DGKI: variants seen among roughly 807,000 people sequenced by gnomAD.
DGKI encodes the protein diacylglycerol kinase iota.
In DGKI, 55 loss-of-function variants were observed where a neutral mutation model predicts 147.5. The observed-to-expected ratio is 0.37, with a 90% CI of 0.30 to 0.47. DGKI has a LOEUF of 0.47. Among genes scored for constraint, DGKI ranks in the 20% least tolerant of loss-of-function variants. The pLI, the probability that DGKI is intolerant of heterozygous loss-of-function variation, is 1.00. For missense variants in DGKI, 1,007 were observed against 1,323.8 expected, an observed-to-expected ratio of 0.76 and a Z score of 3.71; for synonymous variants, 469 against 477.1, an observed-to-expected ratio of 0.98 and a Z score of 0.22.
At chr7:137,731,890 C>T (rs190549753) in intron 1 of DGKI, among the ~76,000 whole-genome samples, 1 of 152,024 alleles carries the variant, frequency 6.6e-6, no homozygotes, top group African/African-American at 2.4e-5. Context: ...TGATCAGGAC[C>T]TCTAGACTAA....
At chr7:137,761,546 T>C (rs1795856676) in intron 1 of DGKI, among the ~76,000 whole-genome samples, 1 of 152,214 alleles carries the variant, frequency 6.6e-6, no homozygotes, top group South Asian at 2.1e-4. Flanking sequence ...TCAGCAGCAC[T>C]CAGCGATCTC....
At chr7:137,696,786 C>T (rs921482040) in intron 1 of DGKI, among the ~76,000 whole-genome samples, 1 of 152,036 alleles carries the variant, frequency 6.6e-6, no homozygotes, top group Non-Finnish European at 1.5e-5. Context: ...GTTGAAGTCC[C>T]AATTCCTAGT....
chr7:137,668,923 T>C (rs923907047), intron 3 of DGKI, among the ~76,000 whole-genome samples: 1 of 152,202 alleles, frequency 6.6e-6, no homozygotes, highest in Non-Finnish European at 1.5e-5. Flanking sequence ...GGAGGAATGA[T>C]TATAGTGGTC....
At chr7:137,671,562 T>C (rs1213729925) in intron 3 of DGKI, among the ~76,000 whole-genome samples, 2 of 152,244 alleles carry the variant, frequency 1.3e-5, no homozygotes, top group African/African-American at 2.4e-5. Flanking sequence ...ATTTGTTAAC[T>C]GATTTTATCC....
At chr7:137,630,270 C>A (rs1229110450) in intron 6 of DGKI, among the ~76,000 whole-genome samples, 1 of 152,052 alleles carries the variant, frequency 6.6e-6, no homozygotes. Context: ...GATTTATGTC[C>A]ATAGATTGAC....
intron 5 of DGKI, among the ~76,000 whole-genome samples, chr7:137,650,408 A>C (rs979016672): frequency 1.3e-5 from 2 of 152,234 alleles, no homozygotes; most frequent in Non-Finnish European, 2.9e-5. Flanking sequence ...AGACACTTTG[A>C]TAAAGAACAA....
At chr7:137,796,844 G>T (rs1181439115) in intron 1 of DGKI, among the ~76,000 whole-genome samples, 1 of 152,112 alleles carries the variant, frequency 6.6e-6, no homozygotes, top group Non-Finnish European at 1.5e-5. Flanking sequence ...CAACATACAT[G>T]CAAGGAGAGT....
intron 30 of DGKI, among the ~76,000 whole-genome samples, chr7:137,398,280 T>C (rs1349894648): frequency 1.3e-5 from 2 of 152,204 alleles, no homozygotes; most frequent in Non-Finnish European, 2.9e-5. Context: ...ATCATGATAC[T>C]GATCATGACA....
At chr7:137,464,471 A>T (rs1248510940) in intron 26 of DGKI, among the ~76,000 whole-genome samples, 1 of 152,096 alleles carries the variant, frequency 6.6e-6, no homozygotes, top group East Asian at 1.9e-4. Context: ...GGTCTGATGC[A>T]TGGATGTGCC....
Position 137,618,151 on chromosome 7 carries a change from A to ATATATATATATAT in DGKI, c.993+1672_993+1673insATATATATATATA. On this transcript the variant is annotated intron_variant, in intron 8 of 32. Coordinates refer to ENST00000614521, the MANE Select transcript of DGKI (RefSeq NM_001321708.2). ...ACTATATATATATATATATATATAT[A>ATATATATATATAT]TTTTTTTTTTTTTACTCTATCATTC... 7.6e-4 allele frequency among the ~76,000 whole-genome samples: 8 copies of ATATATATATATAT among 10,466 alleles called. 1 individual carries two copies. Among genetic ancestry groups the ATATATATATATAT allele is most frequent in the Non-Finnish European group, 2.4e-3 (4 of 1,648 alleles). The allele number at this position is 10,466 out of a possible 152,430, so 6.9% of individuals were successfully genotyped here.
At chr7:137,725,891 C>T (rs542309699) in intron 1 of DGKI, among the ~76,000 whole-genome samples, 4 of 152,082 alleles carry the variant, frequency 2.6e-5, no homozygotes, top group African/African-American at 9.7e-5. Flanking sequence ...TGATTTCTTT[C>T]GTTTTCTTTT....
intron 2 of DGKI, among the ~76,000 whole-genome samples, chr7:137,685,965 C>T: frequency 6.6e-6 from 1 of 152,144 alleles, no homozygotes; most frequent in East Asian, 1.9e-4. Context: ...CCCCTTCTCA[C>T]TGATTGAGCA....
chr7:137,704,748 G>A (rs1793957577), intron 1 of DGKI, among the ~76,000 whole-genome samples: 1 of 152,146 alleles, frequency 6.6e-6, no homozygotes, highest in African/African-American at 2.4e-5. Context: ...AAAAGATAAA[G>A]AGAGTATCTT....
At chr7:137,694,319 CA>C (rs56163124) in intron 1 of DGKI, among the ~76,000 whole-genome samples, 431 of 77,648 alleles carry the variant, frequency 5.6e-3, no homozygotes, top group Middle Eastern at 8.9e-3. Flanking sequence ...GACTCCGTCT[CA>C]AAAAAAAAAA....
At chr7:137,837,997 C>CTTT (rs777963342) in intron 1 of DGKI, among the ~76,000 whole-genome samples, 29 of 109,792 alleles carry the variant, frequency 2.6e-4, no homozygotes, top group African/African-American at 5.5e-4. Flanking sequence ...AAGGGAGAAA[C>CTTT]TTTTTTTTTT....
In DGKI at chr7:137,503,351, GT is replaced by G. The variant is rs1412037731; in HGVS notation, c.2249-15663del. On this transcript the variant is annotated intron_variant, in intron 21 of 32. Coordinates refer to ENST00000614521, the MANE Select transcript of DGKI (RefSeq NM_001321708.2). ...TTATTACAGAAAATCACTGTGACTT[GT>G]TTTGCTATTAAAATTCTTACAACAG... 2.0e-5 allele frequency among the ~76,000 whole-genome samples: 3 copies of G among 152,150 alleles called. No homozygotes were observed. The East Asian group carries it at 5.8e-4, about 29-fold the overall frequency.
chr7:137,529,986 G>A (rs999871257), intron 20 of DGKI, among the ~76,000 whole-genome samples: 6 of 152,090 alleles, frequency 3.9e-5, no homozygotes, highest in African/African-American at 7.2e-5. Flanking sequence ...TGACCTCCTC[G>A]GGTGATCCAC....
chr7:137,507,722 A>T (rs1816415967), intron 21 of DGKI, among the ~76,000 whole-genome samples: 1 of 152,194 alleles, frequency 6.6e-6, no homozygotes, highest in South Asian at 2.1e-4. Flanking sequence ...TGAGTAAGAC[A>T]TGGTACCTGC....
intron 20 of DGKI, among the ~76,000 whole-genome samples, chr7:137,533,188 C>G (rs896003437): frequency 6.6e-6 from 1 of 151,928 alleles, no homozygotes; most frequent in African/African-American, 2.4e-5. Context: ...ACTCAGGAGG[C>G]TGAGGCGGGA....
Sources: allele counts gnomAD v4.1 joint callset (sites outside exome capture counted in the v4.1 genomes callset), GRCh38; gene constraint gnomAD v4.1.1; transcripts MANE v1.5; gene names NCBI Gene and HGNC (gene_info 2026-07-23, HGNC 2026-07-21).